Variants in LHPP observed in about 807,000 individuals in gnomAD.
LHPP encodes hLHPP.
In LHPP, 24 loss-of-function variants were observed where a neutral mutation model predicts 30.3. That is an observed-to-expected ratio of 0.79 (90% CI 0.57 to 1.11). The LOEUF (loss-of-function observed/expected upper bound fraction) is 1.11, where lower values mean the gene tolerates loss of function less well. Among genes scored for constraint, LHPP ranks in the 50% most tolerant of loss-of-function variants. The pLI is 0.00. For synonymous variants in LHPP, 150 were observed against 157.1 expected, an observed-to-expected ratio of 0.95 and a Z score of 0.34; for missense variants, 356 against 367.2, an observed-to-expected ratio of 0.97 and a Z score of 0.25.
rs1004099005 is a variant in LHPP at position 124,553,702 on chromosome 10, G to A, written c.716+36431G>A. Among the ~76,000 whole-genome samples the A allele has an allele frequency of 9.3e-4, 141 of 152,132 alleles. 2 individuals are homozygous for A. The highest frequency in any genetic ancestry group is 1.6e-3 in the African/African-American group (66 of 41,530). On this transcript the variant is annotated intron_variant, in intron 6 of 6. Transcript: ENST00000368842. Reference sequence around the variant, plus strand: ...TCTCGATCTCCTGACCTTGTGATCCGCCCGCCTCGGCCTCCCAAAGTGCCG... The same window carrying A: ...TCTCGATCTCCTGACCTTGTGATCCACCCGCCTCGGCCTCCCAAAGTGCCG...
At chr10:124,477,362 TC>T (rs1190340765) in intron 1 of LHPP, among the ~76,000 whole-genome samples, 1 of 152,152 alleles carries the variant, frequency 6.6e-6, no homozygotes, top group African/African-American at 2.4e-5. Context: ...CTGCACTGGT[TC>T]CCATTTCAGT....
intron 6 of LHPP, among the ~76,000 whole-genome samples, chr10:124,557,906 C>T (rs745984405): frequency 2.0e-5 from 3 of 152,100 alleles, no homozygotes; most frequent in Non-Finnish European, 4.4e-5. Flanking sequence ...GAGCTTAGGG[C>T]ATGGCAGGGG....
Position 124,590,790 on chromosome 10 carries a change from A to G in LHPP, c.717-22474A>G, listed in dbSNP as rs1410302103. 6.6e-6 allele frequency among the ~76,000 whole-genome samples: 1 copy of G among 152,170 alleles called. No individual in the cohort carries two copies. The highest frequency in any genetic ancestry group is 2.4e-5 in the African/African-American group (1 of 41,444). ...CCTTCCTGAGCCTGCTTCTCTGTCCACAAAACAAAGACTAGATAATTAGAG... is the reference window on the plus strand; with the variant it reads ...CCTTCCTGAGCCTGCTTCTCTGTCCGCAAAACAAAGACTAGATAATTAGAG... On this transcript the variant is annotated intron_variant, in intron 6 of 6. Coordinates refer to ENST00000368842, the MANE Select transcript of LHPP (RefSeq NM_022126.4). This position sits in a 1 kb window ranked among gnomAD's most constrained non-coding sequence, Gnocchi z 4.3.
intron 2 of LHPP, among the ~76,000 whole-genome samples, chr10:124,486,562 G>A (rs1254722447): frequency 2.6e-5 from 4 of 152,246 alleles, no homozygotes; most frequent in Non-Finnish European, 4.4e-5. Flanking sequence ...TTGTCCCTTC[G>A]AAATGGAGTC....
intron 6 of LHPP, among the ~76,000 whole-genome samples, chr10:124,606,061 C>T (rs1949088363): frequency 6.6e-6 from 1 of 152,148 alleles, no homozygotes; most frequent in Non-Finnish European, 1.5e-5. Context: ...ACCTGGAGGG[C>T]CCACCCCACA....
intron 6 of LHPP, among the ~76,000 whole-genome samples, chr10:124,527,600 A>G (rs1954775178): frequency 6.6e-6 from 1 of 152,050 alleles, no homozygotes; most frequent in South Asian, 2.1e-4. Context: ...CTGACTTTTC[A>G]TGAGCCCGGG....
rs529916543 is a variant in LHPP, at chr10:124,601,137, A to T, written c.717-12127A>T. Among the ~76,000 whole-genome samples, 122 of 152,242 alleles carry T rather than the reference A, an allele frequency of 8.0e-4. 1 individual carries two copies. The highest frequency in any genetic ancestry group is 8.8e-5 in the Non-Finnish European group (6 of 68,006). On this transcript the variant is annotated intron_variant, in intron 6 of 6. Coordinates refer to ENST00000368842, the MANE Select transcript of LHPP (RefSeq NM_022126.4). Reference sequence around the variant, plus strand: ...CTTTAGGGCAGGGCAGCAGATTCAGAGACACCCCCAGGGGTAGGGGGAAGT... The same window carrying T: ...CTTTAGGGCAGGGCAGCAGATTCAGTGACACCCCCAGGGGTAGGGGGAAGT...
chr10:124,565,049 G>A (rs539184784), intron 6 of LHPP, among the ~76,000 whole-genome samples: 3 of 152,138 alleles, frequency 2.0e-5, no homozygotes, highest in Admixed American at 6.5e-5. Flanking sequence ...TCCAGCAAGC[G>A]CTCTGTGTGA....
chr10:124,583,554 A>G lies in LHPP; in HGVS notation c.717-29710A>G, dbSNP rs1297600409. On this transcript the variant is annotated intron_variant, in intron 6 of 6. Transcript: ENST00000368842. ...GCTTACAGTTCTGTAGGTTGCACAG[A>G]AAGTAAAGCAGCATCTGCTTCTGGG... Among the ~76,000 whole-genome samples, 8 of 152,350 alleles carry G rather than the reference A, an allele frequency of 5.3e-5. No individual in the cohort carries two copies. In the East Asian group the frequency reaches 1.2e-3, roughly 22 times the overall value.
chr10:124,471,772 T>A (rs1424089061), intron 1 of LHPP, among the ~76,000 whole-genome samples: 1 of 134,068 alleles, frequency 7.5e-6, no homozygotes, highest in Non-Finnish European at 1.5e-5. Context: ...TATTTATATA[T>A]AAATATTTAT....
At chr10:124,468,308 G>A (rs1386976989) in intron 1 of LHPP, among the ~76,000 whole-genome samples, 1 of 152,144 alleles carries the variant, frequency 6.6e-6, no homozygotes, top group Non-Finnish European at 1.5e-5. Context: ...GGTGTCTCTG[G>A]TAGCAGCTAT....
chr10:124,533,558 T>C (rs947049449), intron 6 of LHPP, among the ~76,000 whole-genome samples: 13 of 152,178 alleles, frequency 8.5e-5, no homozygotes, highest in Non-Finnish European at 1.8e-4. Flanking sequence ...ATTGGAAACG[T>C]TGACTTTTCA....
intron 6 of LHPP, 107 bp from the exon 7 acceptor site, chr10:124,613,157 G>A (rs1949223855): frequency 3.4e-6 from 3 of 871,150 alleles, no homozygotes; most frequent in South Asian, 2.7e-5. Context: ...AGGACCTGGA[G>A]GTTTCCTCAA....
intron 1 of LHPP, among the ~76,000 whole-genome samples, chr10:124,480,215 G>T (rs900402919): frequency 6.6e-6 from 1 of 152,212 alleles, no homozygotes; most frequent in African/African-American, 2.4e-5. Flanking sequence ...TCAAAGGGGG[G>T]TGTGGTCCGG....
intron 6 of LHPP, among the ~76,000 whole-genome samples, chr10:124,595,221 A>G (rs1221691490): frequency 6.6e-6 from 1 of 152,204 alleles, no homozygotes; most frequent in Non-Finnish European, 1.5e-5. Flanking sequence ...GAGAGGGATC[A>G]GTCCCAGCTC....
At chr10:124,491,947 AT>A (rs1953544707) in intron 3 of LHPP, among the ~76,000 whole-genome samples, 1 of 152,194 alleles carries the variant, frequency 6.6e-6, no homozygotes, top group African/African-American at 2.4e-5. Flanking sequence ...AAAACCTTAA[AT>A]GTATTTTTGA....
chr10:124,462,111 C>T (rs558326129), intron 1 of LHPP, 124 bp downstream of exon 1: 19 of 925,146 alleles, frequency 2.1e-5, no homozygotes, highest in Non-Finnish European at 2.3e-5. Flanking sequence ...TCGGTCTCCC[C>T]CTTCCCACCC....
chr10:124,525,566 G>T (rs1347344551), intron 6 of LHPP, among the ~76,000 whole-genome samples: 1 of 152,252 alleles, frequency 6.6e-6, no homozygotes, highest in African/African-American at 2.4e-5. Flanking sequence ...TCCTGAGAGA[G>T]TGGGGAGGAG....
At position 124,556,193 on chromosome 10, in the gene LHPP, C is replaced by T. The variant is rs530847587; in HGVS notation, c.716+38922C>T. On this transcript the variant is annotated intron_variant, in intron 6 of 6. Coordinates refer to ENST00000368842, the MANE Select transcript of LHPP (RefSeq NM_022126.4). ...CGACCAGCCCACCATCCAGAGGTGA[C>T]GGTGACCTCTGATGCCGCTGGGTGT... 9.1e-4 allele frequency among the ~76,000 whole-genome samples: 138 copies of T among 152,320 alleles called. 2 individuals are homozygous for T. The highest frequency in any genetic ancestry group is 3.1e-3 in the African/African-American group (127 of 41,552).
Sources: allele counts gnomAD v4.1 joint callset (sites outside exome capture counted in the v4.1 genomes callset), GRCh38; gene constraint gnomAD v4.1.1; non-coding constraint Gnocchi (gnomAD v3.1); transcripts MANE v1.5; gene names NCBI Gene and HGNC (gene_info 2026-07-23, HGNC 2026-07-21).